The following C17orf75 variants were observed in gnomAD, a reference collection of about 807,000 sequenced individuals.
C17orf75 encodes the protein chromosome 17 open reading frame 75, also known as protein Njmu-R1.
Under a neutral mutation model 49.6 loss-of-function variants are expected in C17orf75, and 32 were observed. The observed-to-expected ratio is 0.65, with a 90% confidence interval of 0.49 to 0.87. The LOEUF (loss-of-function observed/expected upper bound fraction) is 0.87, where lower values mean the gene tolerates loss of function less well. Among genes scored for constraint, C17orf75 ranks in the 40% least tolerant of loss-of-function variants. C17orf75 has a pLI of 0.00. For missense variants in C17orf75, 428 were observed against 473.9 expected, an observed-to-expected ratio of 0.90 and a Z score of 0.90; for synonymous variants, 158 against 159.5, an observed-to-expected ratio of 0.99 and a Z score of 0.07.
rs1450029043 is a variant in C17orf75 at position 32,329,775 on chromosome 17, C to T, written c.*1988G>A. On this transcript the variant is annotated 3_prime_UTR_variant, in exon 10 of 10. Transcript: ENST00000577809. ...AAAAAATGATTTCCAAGTGGGGAAC[C>T]AACTACATTGGGAAAAGACAGTCAG... 6.6e-6 allele frequency: 1 copy of T among 152,140 alleles called. No individual in the cohort carries two copies. The highest frequency in any genetic ancestry group is 1.9e-4 in the East Asian group (1 of 5,204). The allele number at this position is 152,140 out of a possible 1,614,324, so 9.4% of individuals were successfully genotyped here.
At position 32,342,001 on chromosome 17, in the gene C17orf75, T is replaced by C. The variant is rs1272642032; in HGVS notation, c.139A>G (p.Arg47Gly). ...HYCLYSYRGS[R>G]LAQQRGDSED... ...GCAGGCCGAGCTGGGCGCCAGCACC[T>C]GCTTCCGCGATAGCTGTAAAGACAG... The change falls in exon 1 of 10, where the codon AGA becomes GGA. Residue 47 changes from arginine to glycine, a missense_variant and splice_region_variant. Arg to Gly is a moderately radical substitution (Grantham distance 125, BLOSUM62 -2). Coordinates refer to ENST00000577809, the MANE Select transcript of C17orf75 (RefSeq NM_022344.4). 11 of 1,459,838 alleles carry C rather than the reference T, an allele frequency of 7.5e-6. No homozygotes were observed. The highest frequency in any genetic ancestry group is 1.0e-5 in the Non-Finnish European group (11 of 1,103,126). The allele number at this position is 1,459,838 out of a possible 1,614,324, so 90.4% of individuals were successfully genotyped here.
chr17:32,348,029 T>C (rs986062993), intron 1 of C17orf75, among the ~76,000 whole-genome samples: 1 of 151,480 alleles, frequency 6.6e-6, no homozygotes, highest in African/African-American at 2.4e-5. Context: ...TTTTTTTTTT[T>C]CTTTTTGAGA....
Position 32,331,723 on chromosome 17 carries a change from A to AAT in C17orf75, c.*38_*39dup, listed in dbSNP as rs771281387. Reference sequence around the variant, plus strand: ...CTGCAATTTCAAACACTAAGACTTAAATATACAACTTGATCATACAATTAT... The same window carrying AAT: ...CTGCAATTTCAAACACTAAGACTTAAATATATACAACTTGATCATACAATTAT... On this transcript the variant is annotated 3_prime_UTR_variant, in exon 10 of 10. Transcript: ENST00000577809. The AAT allele has an allele frequency of 1.4e-5, 21 of 1,503,998 alleles. No homozygotes were observed. The highest frequency in any genetic ancestry group is 1.8e-5 in the Non-Finnish European group (19 of 1,081,662). The allele number at this position is 1,503,998 out of a possible 1,614,324, so 93.2% of individuals were successfully genotyped here.
chr17:32,345,481 G>A (rs2041418536), upstream of C17orf75, among the ~76,000 whole-genome samples: 1 of 151,316 alleles, frequency 6.6e-6, no homozygotes, highest in African/African-American at 2.4e-5. Flanking sequence ...ATCTCAGGGG[G>A]GAAAAAAGAA....
In C17orf75 at chr17:32,340,964, A is replaced by G. The variant is rs1276505210; in HGVS notation, c.221+240T>C. The G allele has an allele frequency of 5.7e-6, 3 of 526,266 alleles. No homozygotes were observed. In the Admixed American group the frequency reaches 9.7e-5, roughly 17 times the overall value. 32.6% of individuals were successfully genotyped at this position (526,266 alleles called of 1,614,324 possible). A position where few individuals can be genotyped will look rare whatever the true frequency, so the allele number is the denominator to read the frequency against. Reference sequence around the variant, plus strand: ...TGTCTCAATTTAAAAGGAAAAAGAAAAAAAAAGGATTTCTTTTTGGCTAAT... The same window carrying G: ...TGTCTCAATTTAAAAGGAAAAAGAAGAAAAAAGGATTTCTTTTTGGCTAAT... On this transcript the variant is annotated intron_variant, in intron 2 of 9. Coordinates refer to ENST00000577809, the MANE Select transcript of C17orf75 (RefSeq NM_022344.4).
intron 1 of C17orf75, among the ~76,000 whole-genome samples, chr17:32,349,202 C>A (rs182786090): frequency 6.6e-6 from 1 of 152,254 alleles, no homozygotes; most frequent in African/African-American, 2.4e-5. Context: ...TAGTTTTTCA[C>A]GTGCCCAGCC....
rs796571866 is a variant in C17orf75, at chr17:32,349,588, TAAAACAAAACAAAGA to T, written c.-7+339_-7+353del. 5.9e-5 allele frequency among the ~76,000 whole-genome samples: 9 copies of T among 151,666 alleles called. 1 individual carries two copies. The highest frequency in any genetic ancestry group is 2.2e-4 in the African/African-American group (9 of 41,344). On this transcript the variant is annotated intron_variant, in intron 1 of 8. Transcript: ENST00000583774. ...AGAGCGAGACTTGGTCTCAGAAAAA[TAAAACAAAACAAAGA>T]AAAACAAAACTTTACTTGACAACCC...
intron 3 of C17orf75, 142 bp from the exon 4 acceptor site, chr17:32,338,493 T>C: frequency 2.5e-6 from 2 of 788,968 alleles, no homozygotes; most frequent in Non-Finnish European, 1.9e-6. Context: ...AGACTTCTCG[T>C]TGGTGTACTT....
chr17:32,346,620 T>TG (rs1176537684), upstream of C17orf75, among the ~76,000 whole-genome samples: 6 of 152,198 alleles, frequency 3.9e-5, no homozygotes, highest in African/African-American at 1.4e-4. Flanking sequence ...GTTGCCAGGC[T>TG]GGAGTGCAGT....
intron 5 of C17orf75, among the ~76,000 whole-genome samples, chr17:32,337,480 C>G (rs2041336887): frequency 6.6e-6 from 1 of 152,106 alleles, no homozygotes; most frequent in Admixed American, 6.5e-5. Context: ...AAAAAATTCA[C>G]CTCTCTACTA....
intron 5 of C17orf75, 76 bp from the exon 6 acceptor site, chr17:32,335,518 C>T: frequency 1.3e-6 from 2 of 1,532,594 alleles, no homozygotes; most frequent in Non-Finnish European, 1.8e-6. Context: ...TTCATCATAT[C>T]CTTGATGGTG....
intron 1 of C17orf75, among the ~76,000 whole-genome samples, chr17:32,348,291 G>A (rs913546905): frequency 6.6e-6 from 1 of 152,074 alleles, no homozygotes; most frequent in African/African-American, 2.4e-5. Flanking sequence ...CCACAGTGCT[G>A]GGATTACAGG....
At chr17:32,334,412 G>A (rs1597733667) in intron 8 of C17orf75, 57 bp downstream of exon 8, 2 of 1,562,332 alleles carry the variant, frequency 1.3e-6, no homozygotes. Flanking sequence ...GGCTCTCAGT[G>A]CAAAGATGGG....
At chr17:32,337,042 T>C (rs1489080608) in intron 5 of C17orf75, among the ~76,000 whole-genome samples, 2 of 152,084 alleles carry the variant, frequency 1.3e-5, no homozygotes, top group East Asian at 3.9e-4. Context: ...TACCAGCTAC[T>C]TGGGAGGCTG....
intron 5 of C17orf75, among the ~76,000 whole-genome samples, chr17:32,337,197 G>A (rs1233589082): frequency 2.6e-5 from 4 of 151,948 alleles, no homozygotes; most frequent in Non-Finnish European, 1.5e-5. Context: ...ACAATGGCTC[G>A]TGTCTGTAAT....
intron 1 of C17orf75, chr17:32,349,874 C>G (rs1222137635): frequency 2.7e-5 from 28 of 1,019,428 alleles, no homozygotes; most frequent in Non-Finnish European, 3.1e-5. Context: ...GTGATCGGCC[C>G]TAACTGCACT....
At position 32,330,255 on chromosome 17, in the gene C17orf75, G is replaced by GTATT. The variant is rs2041263114; in HGVS notation, c.*1504_*1507dup. 1 of 152,188 alleles carries GTATT rather than the reference G, an allele frequency of 6.6e-6. No individual in the cohort carries two copies. The highest frequency in any genetic ancestry group is 2.4e-5 in the African/African-American group (1 of 41,426). The allele number at this position is 152,188 out of a possible 1,614,324, so 9.4% of individuals were successfully genotyped here. ...AAAGCATTTATGAAGATTCTGAATT[G>GTATT]TATTTCTCATTAAAAGAAAAGAAAT... On this transcript the variant is annotated 3_prime_UTR_variant, in exon 10 of 10. Transcript: ENST00000577809.
intron 5 of C17orf75, 100 bp from the exon 6 acceptor site, chr17:32,335,542 T>C (rs1249329033): frequency 2.1e-6 from 3 of 1,398,990 alleles, no homozygotes; most frequent in South Asian, 1.5e-5. Flanking sequence ...AAGACCAGGA[T>C]AGACACCTCC....
In C17orf75 at chr17:32,334,839, C is replaced by A; in HGVS notation, c.670G>T (p.Ala224Ser). The A allele has an allele frequency of 6.2e-7, 1 of 1,605,284 alleles. No individual in the cohort carries two copies. The highest frequency in any genetic ancestry group is 1.1e-5 in the South Asian group (1 of 89,522). Reference protein sequence around the residue: ...QEKLTFLLHAALSYTPVEVKE... With the variant: ...QEKLTFLLHASLSYTPVEVKE... The stretch of plus-strand genomic sequence containing the variant: ...ACTTCAACAGGAGTGTAACTCAAAG[C>A]CTATGAGAGAAAAATAAAGCCTGAT... The change falls in exon 7 of 10, where the codon GCT becomes TCT. Residue 224 changes from alanine to serine, a missense_variant and splice_region_variant. Transcript: ENST00000577809.
Sources: allele counts gnomAD v4.1 joint callset (sites outside exome capture counted in the v4.1 genomes callset), GRCh38; gene constraint gnomAD v4.1.1; transcripts MANE v1.5; gene names NCBI Gene and HGNC (gene_info 2026-07-23, HGNC 2026-07-21).